The following FBXL20 variants were observed in gnomAD, a reference collection of about 807,000 sequenced individuals.
FBXL20 encodes the protein F-box/LRR-repeat protein 20.
FBXL20 carries 11 observed loss-of-function variants against 64.0 expected under a neutral mutation model. The observed-to-expected ratio is 0.17, with a 90% CI of 0.11 to 0.28. FBXL20 has a LOEUF of 0.28. Among genes scored for constraint, FBXL20 ranks in the 10% least tolerant of loss-of-function variants. The pLI, the probability that FBXL20 is intolerant of heterozygous loss-of-function variation, is 1.00. For synonymous variants in FBXL20, 184 were observed against 189.0 expected, an observed-to-expected ratio of 0.97 and a Z score of 0.22; for missense variants, 303 against 526.2, an observed-to-expected ratio of 0.58 and a Z score of 4.15.
chr17:39,292,601 C>T (rs1475923084), intron 6 of FBXL20, among the ~76,000 whole-genome samples: 1 of 151,000 alleles, frequency 6.6e-6, no homozygotes, highest in Non-Finnish European at 1.5e-5. Context: ...AGTTCTATTT[C>T]AGTCACTTCT....
chr17:39,402,059 G>T, upstream of FBXL20: 1 of 964,232 alleles, frequency 1.0e-6, no homozygotes, highest in Non-Finnish European at 1.3e-6. Context: ...GCACCTGCCT[G>T]CACAGAACCT....
chr17:39,272,091 A>G (rs1288195738), intron 10 of FBXL20, among the ~76,000 whole-genome samples: 1 of 152,020 alleles, frequency 6.6e-6, no homozygotes, highest in African/African-American at 2.4e-5. Context: ...AGTATAAAAA[A>G]ATTTTTAAAT....
Position 39,355,778 on chromosome 17 carries a change from C to T in FBXL20, c.43-12537G>A, listed in dbSNP as rs191694737. 4.1e-5 allele frequency among the ~76,000 whole-genome samples: 6 copies of T among 146,890 alleles called. No homozygotes were observed. In the East Asian group the frequency reaches 1.2e-3, roughly 29 times the overall value. On this transcript the variant is annotated intron_variant, in intron 1 of 14. Transcript: ENST00000264658. Reference sequence around the variant, plus strand: ...GCTGAGGCAGGAGAATCGATTGAACCCAGGAGGCAGAGGTTGCAGTGAGCT... The same window carrying T: ...GCTGAGGCAGGAGAATCGATTGAACTCAGGAGGCAGAGGTTGCAGTGAGCT...
intron 1 of FBXL20, among the ~76,000 whole-genome samples, chr17:39,350,262 G>A (rs1212474102): frequency 2.6e-5 from 4 of 152,080 alleles, no homozygotes; most frequent in East Asian, 1.9e-4. Flanking sequence ...AGGCCAAGGC[G>A]GGCTGATCAC....
chr17:39,381,838 T>G (rs1238392941), intron 1 of FBXL20, among the ~76,000 whole-genome samples: 1 of 149,986 alleles, frequency 6.7e-6, no homozygotes, highest in Non-Finnish European at 1.5e-5. Context: ...GGCTCATGCC[T>G]GTAATCCCAG....
intron 1 of FBXL20, among the ~76,000 whole-genome samples, chr17:39,396,771 C>T (rs1005747629): frequency 6.6e-6 from 1 of 151,388 alleles, no homozygotes; most frequent in South Asian, 2.1e-4. Flanking sequence ...CTGGCTAACA[C>T]GGTGAAACCC....
At chr17:39,353,004 T>G (rs2047702438) in intron 1 of FBXL20, among the ~76,000 whole-genome samples, 1 of 152,132 alleles carries the variant, frequency 6.6e-6, no homozygotes, top group Non-Finnish European at 1.5e-5. Flanking sequence ...TACCCCTTTC[T>G]CAATTCTGCT....
chr17:39,344,019 G>A (rs2047608195), intron 1 of FBXL20, among the ~76,000 whole-genome samples: 1 of 152,012 alleles, frequency 6.6e-6, no homozygotes, highest in African/African-American at 2.4e-5. Context: ...CCCTGCCACG[G>A]TGCCCAGCTA....
intron 2 of FBXL20, among the ~76,000 whole-genome samples, chr17:39,312,866 G>A (rs1220063564): frequency 6.7e-6 from 1 of 148,292 alleles, no homozygotes; most frequent in African/African-American, 2.5e-5. Flanking sequence ...GTGAGCCACT[G>A]TGCCCGGCCT....
chr17:39,298,638 C>T (rs1226560768), intron 5 of FBXL20, among the ~76,000 whole-genome samples: 3 of 152,034 alleles, frequency 2.0e-5, no homozygotes, highest in African/African-American at 4.8e-5. Flanking sequence ...TGCTTGAGTC[C>T]AGGAGTTCAA....
At chr17:39,341,899 G>C (rs774316368) in intron 2 of FBXL20, among the ~76,000 whole-genome samples, 3 of 152,200 alleles carry the variant, frequency 2.0e-5, no homozygotes, top group Non-Finnish European at 2.9e-5. Context: ...ACATGTAGTA[G>C]AGTGAGGTCA....
At chr17:39,364,101 G>A (rs1030473652) in intron 1 of FBXL20, among the ~76,000 whole-genome samples, 1 of 151,856 alleles carries the variant, frequency 6.6e-6, no homozygotes, top group Non-Finnish European at 1.5e-5. Flanking sequence ...TGTTGGCCAG[G>A]CTGGTCTCGA....
At chr17:39,307,811 T>A (rs537139107) in intron 2 of FBXL20, among the ~76,000 whole-genome samples, 13 of 151,396 alleles carry the variant, frequency 8.6e-5, no homozygotes, top group Non-Finnish European at 1.6e-4. Context: ...TCTCTACTAA[T>A]AATACAAAAA....
chr17:39,372,997 T>C (rs191230566), intron 1 of FBXL20, among the ~76,000 whole-genome samples: 10 of 152,064 alleles, frequency 6.6e-5, no homozygotes, highest in African/African-American at 2.4e-4. Context: ...AGACTACTTA[T>C]TTTTCTTTTC....
At chr17:39,269,968 A>G (rs1316454544) in intron 11 of FBXL20, among the ~76,000 whole-genome samples, 8 of 152,182 alleles carry the variant, frequency 5.3e-5, no homozygotes, top group South Asian at 4.1e-4. Flanking sequence ...TTAATATTCT[A>G]TCGATCTGCC....
upstream of FBXL20, chr17:39,401,733 G>C: frequency 3.6e-6 from 4 of 1,100,112 alleles, no homozygotes; most frequent in Non-Finnish European, 4.4e-6. Flanking sequence ...AGGGGGAGGG[G>C]CGGGAGGGGA....
At chr17:39,282,593 G>T in intron 8 of FBXL20, 136 bp downstream of exon 8, 1 of 1,151,676 alleles carries the variant, frequency 8.7e-7, no homozygotes, top group Non-Finnish European at 1.2e-6. Flanking sequence ...TTTAATTTTT[G>T]GTAAGCATTT....
At chr17:39,265,687 AT>A (rs989432294) in intron 12 of FBXL20, among the ~76,000 whole-genome samples, 21 of 148,440 alleles carry the variant, frequency 1.4e-4, no homozygotes, top group African/African-American at 3.3e-4. Flanking sequence ...AATTAAAAAA[AT>A]TTTTTTTTTT....
intron 6 of FBXL20, among the ~76,000 whole-genome samples, chr17:39,286,909 CTT>C (rs35221372): frequency 2.5e-3 from 288 of 114,524 alleles, no homozygotes; most frequent in Middle Eastern, 0.018. Flanking sequence ...GTATCTATTT[CTT>C]TTTTTTTTTT....
Sources: gnomAD v4.1 joint callset for allele counts (sites outside exome capture counted in the v4.1 genomes callset) on GRCh38, gnomAD v4.1.1 for gene constraint, MANE v1.5 for transcripts, NCBI Gene and HGNC (gene_info 2026-07-23, HGNC 2026-07-21) for gene names.